SFSWAP: variants seen among roughly 807,000 people sequenced by gnomAD.
SFSWAP encodes the protein splicing factor, suppressor of white-apricot homolog.
A neutral mutation model predicts 100.7 loss-of-function variants in SFSWAP; 17 were observed. The ratio of observed to expected loss-of-function variants is 0.17; its 90% CI spans 0.12 to 0.25. The LOEUF (loss-of-function observed/expected upper bound fraction) is 0.25, where lower values mean the gene tolerates loss of function less well. Ranked by LOEUF, SFSWAP falls within the 10% of genes least tolerant of loss-of-function variation. The probability of loss-of-function intolerance (pLI) is 1.00; values close to 1 mark genes in which losing one functional copy is unlikely to be tolerated. For synonymous variants in SFSWAP, 504 were observed against 510.1 expected (o/e 0.99, Z 0.16); for missense variants, 1,005 against 1,262.6 (o/e 0.80, Z 3.09).
chr12:131,779,208 T>TGTATGAAGAGGGCGGCGCGGGTGAGC (rs1884273479), intron 14 of SFSWAP, among the ~76,000 whole-genome samples: 1 of 63,968 alleles, frequency 1.6e-5, no homozygotes, highest in Non-Finnish European at 3.8e-5. Context: ...CGCGGATGAG[T>TGTATGAAGAGGGCGGCGCGGGTGAGC]GTGTGTGAAG....
chr12:131,752,039 G>C (rs1431955551), intron 7 of SFSWAP, among the ~76,000 whole-genome samples: 1 of 152,144 alleles, frequency 6.6e-6, no homozygotes, highest in Non-Finnish European at 1.5e-5. Context: ...TTAGCAGCTG[G>C]GGAATATGCC....
At chr12:131,715,355 C>T (rs2136174419) in intron 3 of SFSWAP, among the ~76,000 whole-genome samples, 1 of 152,296 alleles carries the variant, frequency 6.6e-6, no homozygotes, top group East Asian at 1.9e-4. Context: ...ACAACTGAGA[C>T]AGTGACACAT....
chr12:131,717,007 T>A (rs1271792244), intron 3 of SFSWAP, among the ~76,000 whole-genome samples: 4 of 152,222 alleles, frequency 2.6e-5, no homozygotes, highest in Non-Finnish European at 4.4e-5. Context: ...CATTGCCTTA[T>A]ATACTGATTA....
chr12:131,716,553 T>TA (rs1177891541), intron 3 of SFSWAP, among the ~76,000 whole-genome samples: 2 of 152,210 alleles, frequency 1.3e-5, no homozygotes, highest in African/African-American at 4.8e-5. Flanking sequence ...ACTTCACAAA[T>TA]AAAGAGTTGA....
At chr12:131,745,966 G>A (rs905217284) in intron 7 of SFSWAP, among the ~76,000 whole-genome samples, 15 of 152,144 alleles carry the variant, frequency 9.9e-5, no homozygotes, top group Non-Finnish European at 1.9e-4. Flanking sequence ...TGCTCTCAGC[G>A]GCTTCCTCCT....
Position 131,728,401 on chromosome 12 carries a change from C to G in SFSWAP, c.1054C>G (p.Pro352Ala). Reference protein sequence around the residue: ...PHNADGAPVQPSQVEYTADST... With the variant: ...PHNADGAPVQASQVEYTADST... ...CAACGCAGACGGTGCGCCTGTGCAG[C>G]CCTCCCAGGTGGAGTACACGGCAGA... Residue 352 changes from proline to alanine, a missense_variant, in exon 7 of 18, where the codon CCC becomes GCC. This residue lies in a region of SFSWAP where 311 missense variants were observed against 317.8 expected (regional missense o/e 0.98). Coordinates refer to ENST00000261674, the MANE Select transcript of SFSWAP (RefSeq NM_004592.4). The G allele has an allele frequency of 1.2e-6, 2 of 1,614,258 alleles. No individual in the cohort carries two copies. Among genetic ancestry groups the G allele is most frequent in the Non-Finnish European group, 1.7e-6 (2 of 1,180,044 alleles).
intron 12 of SFSWAP, among the ~76,000 whole-genome samples, 186 bp from the exon 13 acceptor site, chr12:131,765,932 G>A (rs188255135): frequency 6.6e-6 from 1 of 152,180 alleles, no homozygotes; most frequent in Admixed American, 6.5e-5. Context: ...AACTCTGAAA[G>A]TAAAATGTCC....
At chr12:131,760,671 A>G (rs949035217) in intron 11 of SFSWAP, among the ~76,000 whole-genome samples, 3 of 152,198 alleles carry the variant, frequency 2.0e-5, no homozygotes, top group Non-Finnish European at 2.9e-5. Flanking sequence ...AATTAAAAAA[A>G]AACTTGGAAA....
intron 6 of SFSWAP, 22 bp downstream of exon 6, chr12:131,727,074 T>A: frequency 7.4e-7 from 1 of 1,353,546 alleles, no homozygotes; most frequent in Non-Finnish European, 1.1e-6. Context: ...ATTGTTGAAC[T>A]ATATTTTTAT....
chr12:131,755,010 C>T (rs953453393), intron 9 of SFSWAP, among the ~76,000 whole-genome samples: 1 of 152,058 alleles, frequency 6.6e-6, no homozygotes, highest in Non-Finnish European at 1.5e-5. Context: ...AATTATGTTA[C>T]CTGTTTTTTG....
chr12:131,726,884 T>G, intron 5 of SFSWAP, 56 bp from the exon 6 acceptor site: 1 of 1,068,990 alleles, frequency 9.4e-7, no homozygotes, highest in Middle Eastern at 2.0e-4. Flanking sequence ...GCATAATTAA[T>G]TTGTACTTTT....
rs547946637 is a variant in SFSWAP at position 131,739,127 on chromosome 12, C to T, written c.1081+10699C>T. On this transcript the variant is annotated intron_variant, in intron 7 of 17. Coordinates refer to ENST00000261674, the MANE Select transcript of SFSWAP (RefSeq NM_004592.4). ...TCCTGGGCTCAAGTGATCCACCCAC[C>T]TTGGCCTCCCAAAGTGCTGGGATTA... 3.9e-5 allele frequency among the ~76,000 whole-genome samples: 6 copies of T among 152,174 alleles called. No individual in the cohort carries two copies. In the East Asian group the frequency reaches 1.2e-3, roughly 29 times the overall value.
chr12:131,799,620 C>A lies in SFSWAP; in HGVS notation c.*132C>A. 3.0e-6 allele frequency: 2 copies of A among 666,154 alleles called. No individual in the cohort carries two copies. The highest frequency in any genetic ancestry group is 2.6e-6 in the Non-Finnish European group (1 of 385,466). 41.3% of individuals were successfully genotyped at this position (666,154 alleles called of 1,614,324 possible). ...GCTTTTGTAAATTAATTTTTGATGA[C>A]ATTTTGAGTTTTAAGATTTCTGACC... is the stretch of plus-strand genomic sequence containing the variant. On this transcript the variant is annotated 3_prime_UTR_variant, in exon 18 of 18. Transcript: ENST00000261674.
chr12:131,755,578 G>C (rs1882081133), intron 10 of SFSWAP, 99 bp downstream of exon 10: 1 of 790,164 alleles, frequency 1.3e-6, no homozygotes, highest in South Asian at 1.6e-5. Context: ...AGGTGAAAGG[G>C]CTGGGTGATT....
chr12:131,726,136 T>C (rs911469898), intron 5 of SFSWAP, among the ~76,000 whole-genome samples: 5 of 152,092 alleles, frequency 3.3e-5, no homozygotes, highest in African/African-American at 7.2e-5. Context: ...TGAATAAAGA[T>C]GGTATTTTGA....
chr12:131,719,251 C>A (rs1203194766), intron 3 of SFSWAP, among the ~76,000 whole-genome samples: 1 of 151,970 alleles, frequency 6.6e-6, no homozygotes, highest in Non-Finnish European at 1.5e-5. Context: ...CTCCCCCCAC[C>A]ACCCCACCTC....
chr12:131,728,754 G>A (rs1879229508), intron 7 of SFSWAP, among the ~76,000 whole-genome samples: 1 of 150,324 alleles, frequency 6.7e-6, no homozygotes, highest in Non-Finnish European at 1.5e-5. Context: ...AGGCCAGAGT[G>A]CAGGGATGCA....
At chr12:131,719,825 T>C (rs929417660) in intron 4 of SFSWAP, among the ~76,000 whole-genome samples, 6 of 152,188 alleles carry the variant, frequency 3.9e-5, no homozygotes, top group Non-Finnish European at 8.8e-5. Context: ...TTAGAAAAAC[T>C]AAATCAGGAT....
chr12:131,768,820 C>T (rs55833062), intron 13 of SFSWAP, among the ~76,000 whole-genome samples: 11,218 of 152,258 alleles, frequency 0.074, 465 homozygotes, highest in Middle Eastern at 0.12. Flanking sequence ...GTGGTCATTC[C>T]TTAGCTTTAA....
Sources: allele counts gnomAD v4.1 joint callset (sites outside exome capture counted in the v4.1 genomes callset), GRCh38; gene constraint gnomAD v4.1.1; regional missense constraint gnomAD v4.1.1; transcripts MANE v1.5; gene names NCBI Gene and HGNC (gene_info 2026-07-23, HGNC 2026-07-21).